The following PDE1A variants were observed in gnomAD, a reference collection of about 807,000 sequenced individuals.
PDE1A encodes the protein dual specificity calcium/calmodulin-dependent 3',5'-cyclic nucleotide phosphodiesterase 1A.
PDE1A carries 35 observed loss-of-function variants against 61.7 expected under a neutral mutation model. The ratio of observed to expected loss-of-function variants is 0.57; its 90% CI spans 0.43 to 0.75. The LOEUF (loss-of-function observed/expected upper bound fraction) is 0.75. Ranked by LOEUF, PDE1A falls within the 30% of genes least tolerant of loss-of-function variation. PDE1A has a pLI of 0.00. For synonymous variants in PDE1A, 232 were observed against 213.2 expected, an observed-to-expected ratio of 1.09 and a Z score of -0.77; for missense variants, 597 against 630.6, an observed-to-expected ratio of 0.95 and a Z score of 0.57.
At chr2:182,621,354 T>C in the PDE1A span, among the ~76,000 whole-genome samples, 7 of 152,266 alleles carry the variant, frequency 4.6e-5, no homozygotes, top group Admixed American at 2.0e-4. Context: ...AGAATTACTT[T>C]CTCTATCAAA....
downstream of PDE1A, among the ~76,000 whole-genome samples, chr2:182,167,223 A>C (rs1251772123): frequency 6.6e-6 from 1 of 152,126 alleles, no homozygotes; most frequent in Non-Finnish European, 1.5e-5. Context: ...TAACAATAGG[A>C]GATATCAGAA....
chr2:182,533,127 C>A, the PDE1A span, among the ~76,000 whole-genome samples: 2 of 152,048 alleles, frequency 1.3e-5, no homozygotes, highest in African/African-American at 4.8e-5. Context: ...GCCTGGCCAA[C>A]ATGGCAAAAG....
the PDE1A span, among the ~76,000 whole-genome samples, chr2:182,689,839 A>G: frequency 2.0e-5 from 3 of 152,366 alleles, no homozygotes; most frequent in African/African-American, 4.8e-5. Context: ...AAAAAATGAT[A>G]AAGGGGATAT....
In PDE1A at chr2:182,513,967, A is replaced by G. The variant is rs144317594; in HGVS notation, c.101+8309T>C. The stretch of plus-strand genomic sequence containing the variant: ...AAACAAGTGCTTAGAGACCTACAAA[A>G]AGACTTAGATAACCATACAATAATA... On this transcript the variant is annotated intron_variant, in intron 2 of 14. Transcript: ENST00000410103. 1.6e-3 allele frequency among the ~76,000 whole-genome samples: 242 copies of G among 152,278 alleles called. 2 individuals are homozygous for G. Among genetic ancestry groups the G allele is most frequent in the African/African-American group, 5.6e-3 (231 of 41,568 alleles).
the PDE1A span, among the ~76,000 whole-genome samples, chr2:182,611,400 G>A: frequency 6.6e-6 from 1 of 152,154 alleles, no homozygotes; most frequent in African/African-American, 2.4e-5. Flanking sequence ...TGCCAAAAAG[G>A]TAGCATGAAT....
chr2:182,247,168 A>G (rs1332575626), intron 2 of PDE1A, among the ~76,000 whole-genome samples: 1 of 152,076 alleles, frequency 6.6e-6, no homozygotes, highest in African/African-American at 2.4e-5. Flanking sequence ...ATATTATTGA[A>G]ACAAATTGTG....
chr2:182,613,478 G>A, the PDE1A span, among the ~76,000 whole-genome samples: 2 of 151,768 alleles, frequency 1.3e-5, no homozygotes, highest in South Asian at 2.1e-4. Flanking sequence ...CAGGAGAATT[G>A]CGTGAACCTA....
At chr2:182,487,175 C>T (rs983949092) in intron 2 of PDE1A, among the ~76,000 whole-genome samples, 3 of 152,138 alleles carry the variant, frequency 2.0e-5, no homozygotes, top group Non-Finnish European at 4.4e-5. Flanking sequence ...TGTTCACCAT[C>T]ATCGGTCATT....
intron 1 of PDE1A, among the ~76,000 whole-genome samples, chr2:182,422,994 C>T (rs1031882268): frequency 6.6e-6 from 1 of 152,170 alleles, no homozygotes; most frequent in Non-Finnish European, 1.5e-5. Context: ...ATCGTGTTTT[C>T]TCAACACCAG....
intron 2 of PDE1A, among the ~76,000 whole-genome samples, chr2:182,250,032 G>C (rs1477641670): frequency 6.6e-6 from 1 of 152,016 alleles, no homozygotes; most frequent in Non-Finnish European, 1.5e-5. Context: ...CACATTTTTT[G>C]GTCATGTATG....
chr2:182,506,339 C>G (rs755602653), intron 2 of PDE1A, among the ~76,000 whole-genome samples: 51 of 151,992 alleles, frequency 3.4e-4, no homozygotes, highest in Non-Finnish European at 8.8e-5. Context: ...TAAAATAAGA[C>G]CAAATAAACA....
At chr2:182,691,493 C>A in the PDE1A span, among the ~76,000 whole-genome samples, 1 of 152,178 alleles carries the variant, frequency 6.6e-6, no homozygotes. Context: ...AAAGCTGAAA[C>A]TGGATCCCTT....
the PDE1A span, among the ~76,000 whole-genome samples, chr2:182,682,592 T>A: frequency 6.6e-6 from 1 of 152,176 alleles, no homozygotes; most frequent in Non-Finnish European, 1.5e-5. Flanking sequence ...GGAGGCTTAG[T>A]TTCTATGTTT....
At chr2:182,559,756 T>C in the PDE1A span, among the ~76,000 whole-genome samples, 1 of 152,180 alleles carries the variant, frequency 6.6e-6, no homozygotes, top group African/African-American at 2.4e-5. Flanking sequence ...CAATAAAGTG[T>C]ATCATATTCA....
At chr2:182,386,646 C>T (rs560289053) in intron 1 of PDE1A, among the ~76,000 whole-genome samples, 21 of 151,044 alleles carry the variant, frequency 1.4e-4, no homozygotes, top group South Asian at 4.2e-4. Flanking sequence ...CCCCTCCGCC[C>T]GGCAGCCGCC....
At chr2:182,260,209 T>C (rs575454274) in intron 2 of PDE1A, among the ~76,000 whole-genome samples, 42 of 152,328 alleles carry the variant, frequency 2.8e-4, no homozygotes, top group South Asian at 2.7e-3. Context: ...CATTGCTTTA[T>C]TTTGTGCTGA....
At chr2:182,416,168 C>T (rs1304350550) in intron 1 of PDE1A, among the ~76,000 whole-genome samples, 1 of 152,088 alleles carries the variant, frequency 6.6e-6, no homozygotes, top group Non-Finnish European at 1.5e-5. Flanking sequence ...AAAATATAAA[C>T]TAAATATGGG....
chr2:182,478,878 A>G (rs1035464316), intron 2 of PDE1A, among the ~76,000 whole-genome samples: 2 of 151,910 alleles, frequency 1.3e-5, no homozygotes, highest in African/African-American at 4.8e-5. Flanking sequence ...TAAAAAGGTT[A>G]CTAGACCCCT....
At chr2:182,529,920 C>T in the PDE1A span, among the ~76,000 whole-genome samples, 10 of 152,252 alleles carry the variant, frequency 6.6e-5, no homozygotes, top group South Asian at 2.1e-4. Flanking sequence ...TACCCAGCCT[C>T]GGTATGTCTT....
Sources: allele counts gnomAD v4.1 joint callset (sites outside exome capture counted in the v4.1 genomes callset), GRCh38; gene constraint gnomAD v4.1.1; transcripts MANE v1.5; gene names NCBI Gene and HGNC (gene_info 2026-07-23, HGNC 2026-07-21).